Variants in GLI3 observed in about 807,000 individuals in gnomAD.
GLI3 encodes transcription activator GLI3.
A neutral mutation model predicts 100.8 loss-of-function variants in GLI3; 20 were observed. The observed-to-expected ratio is 0.20, with a 90% CI of 0.14 to 0.29. The LOEUF (loss-of-function observed/expected upper bound fraction) is 0.29. Ranked by LOEUF, GLI3 falls within the 10% of genes least tolerant of loss-of-function variation. The pLI is 1.00. For synonymous variants in GLI3, 938 were observed against 860.5 expected (o/e 1.09, Z -1.58); for missense variants, 2,040 against 2,128.5 (o/e 0.96, Z 0.82).
At chr7:41,995,548 T>C (rs1197154526) in intron 10 of GLI3, among the ~76,000 whole-genome samples, 1 of 152,088 alleles carries the variant, frequency 6.6e-6, no homozygotes, top group Non-Finnish European at 1.5e-5. Context: ...AAGAACAAAA[T>C]TCAGGGCTAA....
intron 10 of GLI3, among the ~76,000 whole-genome samples, chr7:42,023,183 A>C (rs1211210676): frequency 1.3e-5 from 2 of 152,248 alleles, no homozygotes; most frequent in Non-Finnish European, 2.9e-5. Flanking sequence ...ATTACTCAAT[A>C]ACCATCAAAG....
intron 10 of GLI3, among the ~76,000 whole-genome samples, chr7:42,018,674 A>C (rs980733132): frequency 2.0e-5 from 3 of 152,216 alleles, no homozygotes; most frequent in Non-Finnish European, 4.4e-5. Context: ...AAATGGCAGC[A>C]AAGGTGATTA....
At chr7:42,149,421 C>T (rs544542476) in intron 2 of GLI3, among the ~76,000 whole-genome samples, 3 of 152,322 alleles carry the variant, frequency 2.0e-5, no homozygotes, top group Non-Finnish European at 4.4e-5. Flanking sequence ...GATTGGATGA[C>T]CTTTCTATAA....
intron 4 of GLI3, among the ~76,000 whole-genome samples, chr7:42,071,122 A>G (rs1784776092): frequency 6.6e-6 from 1 of 152,238 alleles, no homozygotes; most frequent in South Asian, 2.1e-4. Context: ...TATGTAGAGC[A>G]TGGGCTCAGC....
chr7:42,179,377 C>A (rs1277305016), intron 2 of GLI3, among the ~76,000 whole-genome samples: 1 of 152,084 alleles, frequency 6.6e-6, no homozygotes, highest in Non-Finnish European at 1.5e-5. Flanking sequence ...CGTGGGTGGG[C>A]AGGTAACGGG....
chr7:41,968,384 T>C (rs1394521890), intron 13 of GLI3, among the ~76,000 whole-genome samples: 7 of 152,134 alleles, frequency 4.6e-5, no homozygotes, highest in East Asian at 1.9e-4. Flanking sequence ...ACCTGGATAA[T>C]AGCAATTGGT....
chr7:42,160,234 G>C (rs1002785224), intron 2 of GLI3, among the ~76,000 whole-genome samples: 2 of 152,192 alleles, frequency 1.3e-5, no homozygotes, highest in African/African-American at 4.8e-5. Context: ...TGCAAAACAG[G>C]GTGGCAAGAT....
At chr7:42,245,672 C>A (rs921621849) in intron 1 of GLI3, among the ~76,000 whole-genome samples, 1 of 151,940 alleles carries the variant, frequency 6.6e-6, no homozygotes, top group Non-Finnish European at 1.5e-5. Context: ...CAGAGCAAGA[C>A]TCTGTCTCAA....
intron 1 of GLI3, among the ~76,000 whole-genome samples, chr7:42,229,156 A>G (rs1788643739): frequency 6.6e-6 from 1 of 152,232 alleles, no homozygotes; most frequent in Non-Finnish European, 1.5e-5. Flanking sequence ...CAATCATGAT[A>G]GTGCATCCTC....
intron 2 of GLI3, among the ~76,000 whole-genome samples, chr7:42,192,755 A>G (rs1370440407): frequency 5.3e-5 from 8 of 152,228 alleles, no homozygotes; most frequent in Admixed American, 5.2e-4. Context: ...AAGGCCTCCT[A>G]ATCTCTGCTT....
In GLI3 at chr7:41,965,512, C is replaced by G. The variant is rs778367264; in HGVS notation, c.3561G>C (p.Gln1187His). The G allele has an allele frequency of 8.7e-6, 14 of 1,606,682 alleles. No individual in the cohort carries two copies. Among genetic ancestry groups the G allele is most frequent in the Admixed American group, 1.7e-5 (1 of 59,870 alleles). ...LKCGPRPAVP[Q>H]TRAFGFCNGM... is the part of the protein sequence containing the mutation. The stretch of plus-strand genomic sequence containing the variant: ...CGTTGCAGAACCCAAAGGCGCGAGT[C>G]TGCGGCACAGCGGGCCGCGGCCCAC... The change falls in exon 15 of 15, where the codon CAG becomes CAC. Residue 1187 changes from glutamine (Q) to histidine (H), a missense_variant. Physicochemically the swap from Gln to His is conservative, Grantham distance 24. This residue lies in a region of GLI3 where 1,041 missense variants were observed against 924.0 expected (regional missense o/e 1.13). Transcript: ENST00000395925.
intron 4 of GLI3, among the ~76,000 whole-genome samples, chr7:42,049,688 C>G (rs1784314642): frequency 6.6e-6 from 1 of 152,230 alleles, no homozygotes; most frequent in African/African-American, 2.4e-5. Context: ...CAGCCACACC[C>G]TGAGACAGCC....
At chr7:42,223,636 C>T (rs539744667) in intron 1 of GLI3, among the ~76,000 whole-genome samples, 10 of 152,314 alleles carry the variant, frequency 6.6e-5, no homozygotes, top group Non-Finnish European at 8.8e-5. Flanking sequence ...TTTAAAGCCA[C>T]GTCTGCAAAT....
chr7:42,087,189 A>G (rs772083828), intron 3 of GLI3, among the ~76,000 whole-genome samples: 3 of 152,206 alleles, frequency 2.0e-5, no homozygotes, highest in African/African-American at 7.2e-5. Flanking sequence ...TCCCTCCTGG[A>G]AACTGCAGGA....
chr7:42,113,401 G>T, intron 3 of GLI3: 1 of 706,772 alleles, frequency 1.4e-6, no homozygotes. Context: ...TGCTGAAGGA[G>T]ATGAAGCCAA....
chr7:42,121,134 C>T (rs539374856), intron 3 of GLI3, among the ~76,000 whole-genome samples: 2 of 152,332 alleles, frequency 1.3e-5, no homozygotes, highest in East Asian at 1.9e-4. Flanking sequence ...ACTTGAATCA[C>T]ACCTCCCCAC....
At chr7:42,258,520 C>T (rs1246133944) in intron 1 of GLI3, among the ~76,000 whole-genome samples, 1 of 152,162 alleles carries the variant, frequency 6.6e-6, no homozygotes, top group Non-Finnish European at 1.5e-5. Flanking sequence ...TCTTGGTTTT[C>T]CTATACATGA....
chr7:41,966,191 C>G lies in GLI3; in HGVS notation c.2882G>C (p.Gly961Ala). Residue 961 changes from glycine to alanine, a missense_variant, in exon 15 of 15, where the codon GGG (glycine) becomes GCG (alanine). Physicochemically the swap from Gly to Ala is moderately conservative, Grantham distance 60 (BLOSUM62 0). This residue lies in a region of GLI3 where 1,041 missense variants were observed against 924.0 expected (regional missense o/e 1.13). Coordinates refer to ENST00000395925, the MANE Select transcript of GLI3 (RefSeq NM_000168.6). The surrounding 1 kb of genome is among the most constrained non-coding windows in gnomAD (Gnocchi z 5.8). The stretch of plus-strand genomic sequence containing the variant: ...GGCCACGCCAGGCTCGAGGGCATCC[C>G]CGAGCAGCGCCAGGCGCGTCTTCAG... Reference protein sequence around the residue: ...MSLKTRLALLGDALEPGVALP... With the variant: ...MSLKTRLALLADALEPGVALP... The G allele has an allele frequency of 6.2e-7, 1 of 1,605,064 alleles. No individual in the cohort carries two copies.
intron 1 of GLI3, among the ~76,000 whole-genome samples, chr7:42,224,650 T>C (rs1788550272): frequency 6.6e-6 from 1 of 152,220 alleles, no homozygotes; most frequent in Non-Finnish European, 1.5e-5. Context: ...ACATATCAAT[T>C]GTAAGATCCA....
Sources: allele counts gnomAD v4.1 joint callset (sites outside exome capture counted in the v4.1 genomes callset), GRCh38; gene constraint gnomAD v4.1.1; regional missense constraint gnomAD v4.1.1; non-coding constraint Gnocchi (gnomAD v3.1); transcripts MANE v1.5; gene names NCBI Gene and HGNC (gene_info 2026-07-23, HGNC 2026-07-21).